The following TAX1BP1 variants were observed in gnomAD, a reference collection of about 807,000 sequenced individuals.
TAX1BP1 encodes the protein Tax1 binding protein 1, also known as tax1-binding protein 1.
A neutral mutation model predicts 97.7 loss-of-function variants in TAX1BP1; 62 were observed. The ratio of observed to expected loss-of-function variants is 0.63; its 90% CI spans 0.52 to 0.78. TAX1BP1 has a LOEUF of 0.78. TAX1BP1 is among the 30% of genes least tolerant of loss of function. TAX1BP1 has a pLI of 0.00. For synonymous variants in TAX1BP1, 340 were observed against 304.2 expected, an observed-to-expected ratio of 1.12 and a Z score of -1.23; for missense variants, 867 against 916.1, an observed-to-expected ratio of 0.95 and a Z score of 0.69.
chr7:27,782,980 T>A (rs1789319961), intron 5 of TAX1BP1, among the ~76,000 whole-genome samples: 1 of 152,224 alleles, frequency 6.6e-6, no homozygotes, highest in South Asian at 2.1e-4. Flanking sequence ...ATAATCTTTT[T>A]ATCGGGTTAT....
intron 13 of TAX1BP1, among the ~76,000 whole-genome samples, chr7:27,802,207 T>C (rs1004850179): frequency 2.6e-5 from 4 of 152,188 alleles, no homozygotes; most frequent in Admixed American, 2.0e-4. Context: ...CTGTTAAGAA[T>C]GTTCTAGGAG....
intron 7 of TAX1BP1, among the ~76,000 whole-genome samples, chr7:27,786,795 C>T (rs1789501605): frequency 6.6e-6 from 1 of 152,178 alleles, no homozygotes; most frequent in African/African-American, 2.4e-5. Flanking sequence ...CCTCAGTACT[C>T]TTAACGAAAG....
intron 13 of TAX1BP1, 43 bp from the exon 14 acceptor site, chr7:27,816,306 T>C (rs751071430): frequency 2.1e-6 from 3 of 1,440,450 alleles, no homozygotes; most frequent in South Asian, 2.7e-5. Flanking sequence ...TTATGAAATA[T>C]TTTATTGCTT....
Position 27,785,324 on chromosome 7 carries a change from C to T in TAX1BP1, c.761+13C>T, listed in dbSNP as rs1278581815. On this transcript the variant is annotated intron_variant, in intron 6 of 16. Transcript: ENST00000396319. ...CCGAATTAGACAGGTATTTCTCATG[C>T]TTTTAAAAAATAAATTCAATAAAAA... 3 of 1,592,268 alleles carry T rather than the reference C, an allele frequency of 1.9e-6. No individual in the cohort carries two copies. Among genetic ancestry groups the T allele is most frequent in the Non-Finnish European group, 2.6e-6 (3 of 1,173,742 alleles).
intron 4 of TAX1BP1, among the ~76,000 whole-genome samples, chr7:27,766,737 G>T (rs953976469): frequency 2.0e-5 from 3 of 152,144 alleles, no homozygotes; most frequent in Non-Finnish European, 4.4e-5. Context: ...AGCTGCTTGG[G>T]ATAATGGTGT....
chr7:27,809,967 G>A (rs1246669134), intron 13 of TAX1BP1, among the ~76,000 whole-genome samples: 1 of 151,904 alleles, frequency 6.6e-6, no homozygotes, highest in East Asian at 1.9e-4. Context: ...GAGTGCAGTG[G>A]CGCGATCTTG....
intron 5 of TAX1BP1, among the ~76,000 whole-genome samples, chr7:27,779,030 A>G (rs1002771413): frequency 2.0e-5 from 3 of 152,076 alleles, no homozygotes; most frequent in African/African-American, 7.2e-5. Flanking sequence ...GGTAACCTTG[A>G]GTCTACTTTC....
intron 8 of TAX1BP1, among the ~76,000 whole-genome samples, chr7:27,789,471 T>C (rs1398192645): frequency 2.0e-5 from 3 of 152,124 alleles, no homozygotes; most frequent in Admixed American, 6.5e-5. Flanking sequence ...TTTATTCTTA[T>C]GTTTCTTTTT....
chr7:27,811,931 G>A (rs1453066248), intron 13 of TAX1BP1, among the ~76,000 whole-genome samples: 3 of 152,098 alleles, frequency 2.0e-5, no homozygotes, highest in African/African-American at 7.2e-5. Context: ...CTGATATTTT[G>A]CTATTACAAA....
At chr7:27,826,097 A>G (rs538114229) in intron 15 of TAX1BP1, among the ~76,000 whole-genome samples, 3 of 152,334 alleles carry the variant, frequency 2.0e-5, no homozygotes, top group Admixed American at 1.3e-4. Flanking sequence ...CAAAATCAGA[A>G]TTCACTGTCC....
At chr7:27,784,394 C>G (rs556234734) in intron 5 of TAX1BP1, among the ~76,000 whole-genome samples, 6 of 152,256 alleles carry the variant, frequency 3.9e-5, no homozygotes, top group Non-Finnish European at 8.8e-5. Context: ...ATTCAACATT[C>G]AATTTGTTGC....
At chr7:27,771,437 G>A (rs947300023) in intron 5 of TAX1BP1, among the ~76,000 whole-genome samples, 4 of 151,582 alleles carry the variant, frequency 2.6e-5, no homozygotes, top group African/African-American at 9.7e-5. Context: ...TGTGAGAATA[G>A]GAATGGCGGA....
At chr7:27,748,155 C>T (rs1164704783) in intron 1 of TAX1BP1, among the ~76,000 whole-genome samples, 1 of 152,162 alleles carries the variant, frequency 6.6e-6, no homozygotes, top group Non-Finnish European at 1.5e-5. Flanking sequence ...GTGTTTGTTA[C>T]TAGGAGCCAG....
chr7:27,777,602 G>A (rs1789079566), intron 5 of TAX1BP1, among the ~76,000 whole-genome samples: 1 of 152,140 alleles, frequency 6.6e-6, no homozygotes, highest in Non-Finnish European at 1.5e-5. Flanking sequence ...ATCAGCTCAA[G>A]ACTTGAGGGG....
chr7:27,752,222 T>C (rs1311347999), intron 2 of TAX1BP1, among the ~76,000 whole-genome samples: 2 of 152,182 alleles, frequency 1.3e-5, no homozygotes, highest in African/African-American at 2.4e-5. Flanking sequence ...GTAGAATTCA[T>C]AGGATATGTC....
intron 3 of TAX1BP1, among the ~76,000 whole-genome samples, chr7:27,762,541 T>G (rs16874364): frequency 0.26 from 39,757 of 152,002 alleles, 5,678 homozygotes; most frequent in East Asian, 0.52. Flanking sequence ...TTGAAAAAAA[T>G]TTATTCAATT....
rs1235355314 is a variant in TAX1BP1, at chr7:27,765,980, T to A, written c.412T>A (p.Ser138Thr). 3.1e-6 allele frequency: 5 copies of A among 1,614,170 alleles called. No homozygotes were observed. Among genetic ancestry groups the A allele is most frequent in the Non-Finnish European group, 4.2e-6 (5 of 1,180,044 alleles). Residue 138 changes from serine to threonine, a missense_variant, in exon 4 of 17, where the codon TCT becomes ACT. Physicochemically the swap from Ser to Thr is moderately conservative, Grantham distance 58. Transcript: ENST00000396319. ...GCTTACTATGGAAGATGAAGGAAAT[T>A]CTGACATGTTAGTGGTGACCACAAA... ...ELLTMEDEGN[S>T]DMLVVTTKAG...
rs1788280216 is a variant in TAX1BP1, at chr7:27,757,816, TAG to T, written c.163-213_163-212del. On this transcript the variant is annotated intron_variant, in intron 2 of 16. Transcript: ENST00000396319. Reference sequence around the variant, plus strand: ...GATAGCAAATTGCATTTTAATATAGTAGAAACTCTACTATTCAATTTATGTAG... The same window carrying T: ...GATAGCAAATTGCATTTTAATATAGTAAACTCTACTATTCAATTTATGTAG... 2.0e-5 allele frequency among the ~76,000 whole-genome samples: 3 copies of T among 152,248 alleles called. No homozygotes were observed. The South Asian group carries it at 6.2e-4, about 32-fold the overall frequency.
chr7:27,799,968 G>T lies in TAX1BP1; in HGVS notation c.1642G>T (p.Glu548Ter). The change falls in exon 13 of 17, where the codon GAG (glutamate) becomes TAG (stop). Residue 548 changes from glutamate (E) to a stop codon, truncating the protein, a stop_gained. Transcript: ENST00000396319. LOFTEE classifies it high-confidence loss of function. The stretch of plus-strand genomic sequence containing the variant: ...TAATTATACTAATTTCATTTAGGAT[G>T]AGAAAGCAAAATGCAATAAATATGC... ...YNKCKQLLQD[E>*]KAKCNKYADE... 6.3e-7 allele frequency: 1 copy of T among 1,592,738 alleles called. No individual in the cohort carries two copies. Among genetic ancestry groups the T allele is most frequent in the South Asian group, 1.2e-5 (1 of 86,308 alleles).
Sources: allele counts gnomAD v4.1 joint callset (sites outside exome capture counted in the v4.1 genomes callset), GRCh38; gene constraint gnomAD v4.1.1; transcripts MANE v1.5; gene names NCBI Gene and HGNC (gene_info 2026-07-23, HGNC 2026-07-21).